COL11A1: variants seen among roughly 807,000 people sequenced by gnomAD.
COL11A1 encodes collagen type XI alpha 1 chain.
A neutral mutation model predicts 265.2 loss-of-function variants in COL11A1; 74 were observed. That is an observed-to-expected ratio of 0.28 (90% CI 0.23 to 0.34). The LOEUF (loss-of-function observed/expected upper bound fraction) is 0.34, where lower values mean the gene tolerates loss of function less well. Among genes scored for constraint, COL11A1 ranks in the 10% least tolerant of loss-of-function variants. The pLI, the probability that COL11A1 is intolerant of heterozygous loss-of-function variation, is 1.00. For missense variants in COL11A1, 2,165 were observed against 2,263.6 expected, an observed-to-expected ratio of 0.96 and a Z score of 0.88; for synonymous variants, 816 against 727.6, an observed-to-expected ratio of 1.12 and a Z score of -1.96.
chr1:102,887,180 A>G (rs576869541), intron 62 of COL11A1, 124 bp from the exon 63 acceptor site: 11 of 1,142,516 alleles, frequency 9.6e-6, no homozygotes, highest in Non-Finnish European at 1.4e-5. Flanking sequence ...ATTAGCTACA[A>G]AATTTATGCT....
At chr1:102,987,477 C>A (rs991395330) in intron 30 of COL11A1, among the ~76,000 whole-genome samples, 156 bp downstream of exon 30, 1 of 150,668 alleles carries the variant, frequency 6.6e-6, no homozygotes, top group South Asian at 2.1e-4. Flanking sequence ...TACACTGAAA[C>A]GTAAATGTAA....
intron 35 of COL11A1, 127 bp from the exon 36 acceptor site, chr1:102,975,010 C>T: frequency 1.4e-6 from 1 of 736,252 alleles, no homozygotes; most frequent in Non-Finnish European, 2.4e-6. Flanking sequence ...AGTGACAGAA[C>T]TATGGTAATA....
At chr1:102,903,713 T>G (rs1653523345) in intron 54 of COL11A1, among the ~76,000 whole-genome samples, 1 of 152,212 alleles carries the variant, frequency 6.6e-6, no homozygotes, top group Non-Finnish European at 1.5e-5. Flanking sequence ...CTCAAAGGTT[T>G]GTGGTGACAG....
intron 31 of COL11A1, among the ~76,000 whole-genome samples, chr1:102,981,046 T>G (rs558361996): frequency 6.6e-6 from 1 of 152,304 alleles, no homozygotes; most frequent in Admixed American, 6.5e-5. Context: ...TCCTACATGA[T>G]GCTATTAAAG....
intron 5 of COL11A1, among the ~76,000 whole-genome samples, chr1:103,029,011 G>T (rs1454156106): frequency 6.6e-6 from 1 of 151,976 alleles, no homozygotes; most frequent in East Asian, 1.9e-4. Flanking sequence ...ATTAAAATGT[G>T]ATGATATTAT....
rs1353224749 is a variant in COL11A1, at chr1:102,932,853, C to T, written c.3600+1596G>A. Among the ~76,000 whole-genome samples the T allele has an allele frequency of 4.7e-3, 712 of 151,828 alleles. 4 individuals are homozygous for T. Among genetic ancestry groups the T allele is most frequent in the South Asian group, 0.014 (68 of 4,774 alleles). ...TCATTTCATTCATTTCATCTTCCCT[C>T]GCTGATACCCTTTCTTCCAGTTGAT... On this transcript the variant is annotated intron_variant, in intron 46 of 66. Coordinates refer to ENST00000370096, the MANE Select transcript of COL11A1 (RefSeq NM_001854.4).
intron 54 of COL11A1, among the ~76,000 whole-genome samples, chr1:102,908,466 ACT>A (rs1336549025): frequency 6.6e-6 from 1 of 152,098 alleles, no homozygotes; most frequent in Non-Finnish European, 1.5e-5. Flanking sequence ...TCAAAAAATT[ACT>A]CTCAAATAAT....
chr1:102,984,517 T>C (rs1173609463), intron 30 of COL11A1, among the ~76,000 whole-genome samples: 2 of 152,038 alleles, frequency 1.3e-5, no homozygotes, highest in South Asian at 2.1e-4. Flanking sequence ...AAAATACTTC[T>C]AAGCTTTTTC....
At chr1:103,012,965 C>G (rs1033016343) in intron 13 of COL11A1, among the ~76,000 whole-genome samples, 1 of 151,986 alleles carries the variant, frequency 6.6e-6, no homozygotes, top group African/African-American at 2.4e-5. Context: ...AGATATAATG[C>G]TATAGAGAAG....
rs995664671 is a variant in COL11A1 at position 102,940,273 on chromosome 1, G to T, written c.3384+54C>A. On this transcript the variant is annotated intron_variant, in intron 43 of 66. Coordinates refer to ENST00000370096, the MANE Select transcript of COL11A1 (RefSeq NM_001854.4). The stretch of plus-strand genomic sequence containing the variant: ...AAGATTAGAATTATCTAGAATTCTT[G>T]ACAAAAATTAAGCTTTTTCACAGGA... 4.3e-6 allele frequency: 6 copies of T among 1,394,424 alleles called. No homozygotes were observed. In the African/African-American group the frequency reaches 7.1e-5, roughly 16 times the overall value. 86.4% of individuals were successfully genotyped at this position (1,394,424 alleles called of 1,614,324 possible).
chr1:102,987,811 A>G, intron 29 of COL11A1, 71 bp from the exon 30 acceptor site: 2 of 1,134,014 alleles, frequency 1.8e-6, no homozygotes, highest in Middle Eastern at 2.5e-4. Context: ...GGAAAAAATT[A>G]TGACAGTGAA....
intron 46 of COL11A1, among the ~76,000 whole-genome samples, chr1:102,932,300 T>C (rs1163442639): frequency 1.3e-5 from 2 of 152,152 alleles, no homozygotes; most frequent in African/African-American, 4.8e-5. Context: ...GGTGACAAAA[T>C]CTCTCAGCAT....
Position 102,876,982 on chromosome 1 carries a change from C to A in COL11A1, c.*1037G>T, listed in dbSNP as rs1649572826. Reference sequence around the variant, plus strand: ...ACTGTTATAATATGCAACTTAGAATCAAATTCAAGAACTTGATTGATAAGA... The same window carrying A: ...ACTGTTATAATATGCAACTTAGAATAAAATTCAAGAACTTGATTGATAAGA... On this transcript the variant is annotated 3_prime_UTR_variant, in exon 67 of 67. Transcript: ENST00000370096. The A allele has an allele frequency of 1.3e-5, 2 of 152,424 alleles. No individual in the cohort carries two copies. The highest frequency in any genetic ancestry group is 4.8e-5 in the African/African-American group (2 of 41,406). The allele number at this position is 152,424 out of a possible 1,614,324, so 9.4% of individuals were successfully genotyped here. A position where few individuals can be genotyped will look rare whatever the true frequency, so the allele number is the denominator to read the frequency against.
intron 4 of COL11A1, among the ~76,000 whole-genome samples, chr1:103,064,102 C>T (rs1670884484): frequency 6.6e-6 from 1 of 152,176 alleles, no homozygotes; most frequent in African/African-American, 2.4e-5. Context: ...AACAAACTCT[C>T]GTTCCTTGCT....
chr1:103,018,891 G>A, intron 9 of COL11A1, 32 bp from the exon 10 acceptor site: 1 of 1,587,280 alleles, frequency 6.3e-7, no homozygotes. Flanking sequence ...TCTCTACCAG[G>A]GAAATATAAC....
At chr1:102,917,832 CA>C (rs1365853212) in intron 49 of COL11A1, among the ~76,000 whole-genome samples, 28 of 151,202 alleles carry the variant, frequency 1.9e-4, no homozygotes, top group Non-Finnish European at 3.7e-4. Flanking sequence ...TATTCTGCTT[CA>C]AAAAAAGTAT....
At chr1:102,879,178 G>A (rs903978636) in intron 66 of COL11A1, among the ~76,000 whole-genome samples, 1 of 152,024 alleles carries the variant, frequency 6.6e-6, no homozygotes, top group Non-Finnish European at 1.5e-5. Flanking sequence ...AATCTTATGT[G>A]TGTGAACAAG....
intron 13 of COL11A1, 23 bp from the exon 14 acceptor site, chr1:103,012,492 T>A (rs1231590527): frequency 6.3e-7 from 1 of 1,576,456 alleles, no homozygotes. Context: ...ATATATCAAA[T>A]TCAGTAATAT....
Position 103,078,789 on chromosome 1 carries a change from A to C in COL11A1, c.357T>G (p.Tyr119Ter). The change falls in exon 3 of 67, where the codon TAT becomes TAG. Residue 119 changes from tyrosine to a stop codon, truncating the protein, a stop_gained. Coordinates refer to ENST00000370096, the MANE Select transcript of COL11A1 (RefSeq NM_001854.4). LOFTEE classifies it high-confidence loss of function. The part of the protein sequence containing the change: ...KGIQSFLLSI[Y>*]NEHGIQQIGV... The stretch of plus-strand genomic sequence containing the variant: ...CAATTTGCTGAATACCATGCTCATT[A>C]TATATAGATAAAAGGAAAGACTGAA... 6.2e-7 allele frequency: 1 copy of C among 1,612,470 alleles called. No homozygotes were observed. The highest frequency in any genetic ancestry group is 8.5e-7 in the Non-Finnish European group (1 of 1,178,812).
Sources: allele counts gnomAD v4.1 joint callset (sites outside exome capture counted in the v4.1 genomes callset), GRCh38; gene constraint gnomAD v4.1.1; transcripts MANE v1.5; gene names NCBI Gene and HGNC (gene_info 2026-07-23, HGNC 2026-07-21).